The following CTPS2 variants were observed in gnomAD, a reference collection of about 807,000 sequenced individuals.
CTPS2 encodes CTP synthase 2.
CTPS2 carries 19 observed loss-of-function variants against 46.8 expected under a neutral mutation model. That is an observed-to-expected ratio of 0.41 (90% CI 0.28 to 0.60). The LOEUF (loss-of-function observed/expected upper bound fraction) is 0.60. Ranked by LOEUF, CTPS2 falls within the 20% of genes least tolerant of loss-of-function variation. The pLI, the probability that CTPS2 is intolerant of heterozygous loss-of-function variation, is 0.35. For missense variants in CTPS2, 286 were observed against 447.6 expected (o/e 0.64, Z 3.26); for synonymous variants, 151 against 165.2 (o/e 0.91, Z 0.66).
chrX:16,657,679 T>G (rs1318397732), intron 13 of CTPS2, among the ~76,000 whole-genome samples: 8 of 112,015 alleles, frequency 7.1e-5, no homozygotes, highest in Non-Finnish European at 1.5e-4. Context: ...AAAGAATAAG[T>G]GAAAATGTTC....
chrX:16,651,312 A>C (rs961138692), intron 13 of CTPS2, among the ~76,000 whole-genome samples: 21 of 111,311 alleles, frequency 1.9e-4, no homozygotes, highest in Non-Finnish European at 3.8e-4. Flanking sequence ...AAGCTCTCAG[A>C]AAACAAGGGC....
intron 8 of CTPS2, among the ~76,000 whole-genome samples, chrX:16,683,434 C>CA (rs1255083676): frequency 2.7e-5 from 3 of 110,226 alleles, no homozygotes; most frequent in South Asian, 3.9e-4. Flanking sequence ...CCCGTCTCTA[C>CA]AAAAAAATAC....
At chrX:16,700,955 C>G (rs1924505574) in intron 2 of CTPS2, among the ~76,000 whole-genome samples, 2 of 111,739 alleles carry the variant, frequency 1.8e-5, no homozygotes, top group Non-Finnish European at 3.8e-5. Context: ...GCTTGGTTTG[C>G]CCAGGACTAA....
At chrX:16,621,162 G>A (rs1414870949) in intron 14 of CTPS2, among the ~76,000 whole-genome samples, 1 of 109,508 alleles carries the variant, frequency 9.1e-6, no homozygotes, top group African/African-American at 3.3e-5. Context: ...ACAGCACCCT[G>A]GGCATGACCA....
At chrX:16,611,031 T>TAG (rs2147187825) in intron 16 of CTPS2, among the ~76,000 whole-genome samples, 1 of 112,067 alleles carries the variant, frequency 8.9e-6, no homozygotes, top group South Asian at 3.8e-4. Context: ...CACTGGGAAC[T>TAG]ACCAGAGGGA....
chrX:16,662,657 G>A (rs1932993128), intron 13 of CTPS2, among the ~76,000 whole-genome samples: 2 of 109,126 alleles, frequency 1.8e-5, no homozygotes, highest in African/African-American at 6.7e-5. Flanking sequence ...AACTCTGCAG[G>A]CTTCATGGTG....
At chrX:16,660,302 A>T (rs1340971482) in intron 13 of CTPS2, among the ~76,000 whole-genome samples, 1 of 110,272 alleles carries the variant, frequency 9.1e-6, no homozygotes, top group African/African-American at 3.3e-5. Context: ...TGTAGCCTCG[A>T]CCTCCTCAGG....
At chrX:16,693,516 C>T (rs1401706597) in intron 4 of CTPS2, 29 bp from the exon 5 acceptor site, 3 of 911,912 alleles carry the variant, frequency 3.3e-6, no homozygotes, top group East Asian at 6.2e-5. Context: ...CAAAAAAAGA[C>T]ACAAATGACC....
intron 13 of CTPS2, among the ~76,000 whole-genome samples, chrX:16,646,274 A>G (rs1932313833): frequency 8.9e-6 from 1 of 112,413 alleles, no homozygotes. Context: ...CTTGAATCCC[A>G]GCTCTACTGC....
At chrX:16,641,983 G>A (rs1932100530) in intron 13 of CTPS2, among the ~76,000 whole-genome samples, 2 of 111,901 alleles carry the variant, frequency 1.8e-5, no homozygotes, top group South Asian at 7.5e-4. Flanking sequence ...GCAACATGGA[G>A]ACAAACACAG....
intron 18 of CTPS2, among the ~76,000 whole-genome samples, chrX:16,590,346 G>A (rs1025418734): frequency 2.7e-5 from 3 of 111,850 alleles, no homozygotes; most frequent in African/African-American, 3.3e-5. Flanking sequence ...AGCCATGCTT[G>A]TTCACTTACA....
chrX:16,643,656 T>C (rs889682479), intron 13 of CTPS2, among the ~76,000 whole-genome samples: 1 of 112,054 alleles, frequency 8.9e-6, no homozygotes, highest in Non-Finnish European at 1.9e-5. Flanking sequence ...CTTTCCCTAA[T>C]GTTGGGTTGC....
chrX:16,689,660 A>T, intron 7 of CTPS2, 59 bp from the exon 8 acceptor site: 1 of 1,060,545 alleles, frequency 9.4e-7, no homozygotes, highest in Non-Finnish European at 1.3e-6. Flanking sequence ...TGCCACCACA[A>T]GAATGAAACA....
In CTPS2 at chrX:16,667,700, G is replaced by A. The variant is rs1185996624; in HGVS notation, c.1214C>T (p.Ala405Val). The A allele has an allele frequency of 8.3e-7, 1 of 1,208,016 alleles. No individual in the cohort carries two copies. The highest frequency in any genetic ancestry group is 1.8e-5 in the African/African-American group (1 of 56,869). The change falls in exon 12 of 19, where the codon GCA becomes GTA. Residue 405 changes from alanine to valine, a missense_variant. Transcript: ENST00000359276. The part of the protein sequence containing the change: ...FLGVCLGMQL[A>V]VIEFARNCLN... ...GCAGTTTCTTGCAAACTCTATCACT[G>A]CTAGTTGCATCCCAAGACAAACTCC...
chrX:16,630,053 C>T (rs1341370733), intron 14 of CTPS2, among the ~76,000 whole-genome samples: 2 of 110,148 alleles, frequency 1.8e-5, no homozygotes, highest in Non-Finnish European at 3.8e-5. Context: ...ATGCTCCTGC[C>T]GGCATCAACC....
Position 16,654,406 on chromosome X carries a change from G to A in CTPS2, c.1296+13108C>T, listed in dbSNP as rs781223162. 60 of 1,166,465 alleles carry A rather than the reference G, an allele frequency of 5.1e-5. No homozygotes were observed. The highest frequency in any genetic ancestry group is 6.5e-5 in the Non-Finnish European group (56 of 867,280). On this transcript the variant is annotated intron_variant, in intron 13 of 18. Transcript: ENST00000359276. Reference sequence around the variant, plus strand: ...CCCATCCTTTTTTATGTAAAACAGGGTCCAAACACCCTAGATGATCTCTTT... The same window carrying A: ...CCCATCCTTTTTTATGTAAAACAGGATCCAAACACCCTAGATGATCTCTTT...
intron 14 of CTPS2, among the ~76,000 whole-genome samples, chrX:16,622,480 C>T (rs1930899511): frequency 9.1e-6 from 1 of 110,468 alleles, no homozygotes; most frequent in African/African-American, 3.3e-5. Context: ...CTCAGAGGAT[C>T]CTAAGTGTCC....
rs1449057358 is a variant in CTPS2, at chrX:16,657,260, C to T, written c.1296+10254G>A. 3.0e-5 allele frequency among the ~76,000 whole-genome samples: 3 copies of T among 98,961 alleles called. No homozygotes were observed. The East Asian group carries it at 9.8e-4, about 32-fold the overall frequency. The allele number at this position is 98,961 out of a possible 115,157, so 85.9% of individuals were successfully genotyped here. The stretch of plus-strand genomic sequence containing the variant: ...CTGGGTTCTTCTGTCAAGTTGGCTG[C>T]TATCATTTTTCCAGAAGCTGGATGA... On this transcript the variant is annotated intron_variant, in intron 13 of 18. Transcript: ENST00000359276.
chrX:16,626,438 G>A (rs981438349), intron 14 of CTPS2, among the ~76,000 whole-genome samples: 3 of 110,591 alleles, frequency 2.7e-5, no homozygotes, highest in Non-Finnish European at 5.7e-5. Flanking sequence ...GGAAGGGGGA[G>A]TTGCTATTTA....
Sources: allele counts gnomAD v4.1 joint callset (sites outside exome capture counted in the v4.1 genomes callset), GRCh38; gene constraint gnomAD v4.1.1; transcripts MANE v1.5; gene names NCBI Gene and HGNC (gene_info 2026-07-23, HGNC 2026-07-21).